DPY19L2: variants seen among roughly 807,000 people sequenced by gnomAD.
DPY19L2 encodes the protein probable C-mannosyltransferase DPY19L2.
DPY19L2 carries 34 observed loss-of-function variants against 97.9 expected under a neutral mutation model. The observed-to-expected ratio is 0.35, with a 90% CI of 0.26 to 0.46. The LOEUF (loss-of-function observed/expected upper bound fraction) is 0.46, where lower values mean the gene tolerates loss of function less well. DPY19L2 is among the 20% of genes least tolerant of loss of function. DPY19L2 has a pLI of 1.00. For missense variants in DPY19L2, 623 were observed against 911.4 expected, an observed-to-expected ratio of 0.68 and a Z score of 4.07; for synonymous variants, 230 against 307.9, an observed-to-expected ratio of 0.75 and a Z score of 2.65.
At chr12:63,614,232 T>C (rs1237741571) in intron 11 of DPY19L2, among the ~76,000 whole-genome samples, 1 of 141,916 alleles carries the variant, frequency 7.0e-6, no homozygotes, top group Admixed American at 7.0e-5. Flanking sequence ...AAAGTAAAAA[T>C]AAAAGAGACA....
intron 3 of DPY19L2, among the ~76,000 whole-genome samples, chr12:63,663,426 A>C (rs1895942275): frequency 6.6e-6 from 1 of 152,308 alleles, no homozygotes; most frequent in Middle Eastern, 3.4e-3. Context: ...AAAACATGGA[A>C]TCTAACTGTA....
At chr12:63,644,654 G>C (rs1353640484) in intron 5 of DPY19L2, among the ~76,000 whole-genome samples, 158 bp from the exon 6 acceptor site, 1 of 152,056 alleles carries the variant, frequency 6.6e-6, no homozygotes, top group East Asian at 1.9e-4. Context: ...CCTTATAAGA[G>C]TTTGTGTGTG....
chr12:63,635,693 G>A (rs146010091), intron 6 of DPY19L2, among the ~76,000 whole-genome samples: 2,066 of 152,218 alleles, frequency 0.014, 45 homozygotes, highest in African/African-American at 0.047. Context: ...ATCAGTGATG[G>A]ACGATCAAAT....
chr12:63,633,769 GT>G (rs1355260479), intron 6 of DPY19L2, among the ~76,000 whole-genome samples: 1 of 152,134 alleles, frequency 6.6e-6, no homozygotes, highest in Non-Finnish European at 1.5e-5. Flanking sequence ...GCACACGTAT[GT>G]TTATTGTGGC....
chr12:63,651,960 CT>C, intron 4 of DPY19L2: 1 of 325,018 alleles, frequency 3.1e-6, no homozygotes, highest in Non-Finnish European at 5.5e-6. Flanking sequence ...TGGGCCTGGC[CT>C]TCAAACCCAC....
At chr12:63,569,426 A>C in intron 20 of DPY19L2, 77 bp from the exon 21 acceptor site, 1 of 1,133,790 alleles carries the variant, frequency 8.8e-7, no homozygotes, top group Non-Finnish European at 1.2e-6. Context: ...TTACTAGCAA[A>C]TTGAAATCTC....
chr12:63,568,160 A>G (rs1001343343), intron 21 of DPY19L2, among the ~76,000 whole-genome samples: 1 of 151,692 alleles, frequency 6.6e-6, no homozygotes, highest in African/African-American at 2.4e-5. Flanking sequence ...GACTTTGGTT[A>G]TTTTTCAATC....
intron 14 of DPY19L2, 149 bp downstream of exon 14, chr12:63,597,660 A>G: frequency 1.5e-6 from 1 of 667,994 alleles, no homozygotes; most frequent in Admixed American, 3.1e-5. Context: ...GACAAAAAAA[A>G]CAAGTGAGGA....
At position 63,661,430 on chromosome 12, in the gene DPY19L2, C is replaced by G. The variant is rs1895661208; in HGVS notation, c.502G>C (p.Glu168Gln). ...TCATTCATAATCATCCACAGTCCTT[C>G]CAAAAACGAAGGTGCTTCAATAATG... The part of the protein sequence containing the change: ...KTIIEAPSFL[E>Q]GLWMIMNDRL... The change falls in exon 4 of 22, where the codon GAA (glutamate) becomes CAA (glutamine). Residue 168 changes from glutamate (E) to glutamine (Q), a missense_variant. Physicochemically the swap from Glu to Gln is conservative, Grantham distance 29. Coordinates refer to ENST00000324472, the MANE Select transcript of DPY19L2 (RefSeq NM_173812.5). The G allele has an allele frequency of 1.2e-6, 2 of 1,600,618 alleles. No homozygotes were observed. The highest frequency in any genetic ancestry group is 2.3e-5 in the South Asian group (2 of 87,748).
chr12:63,624,364 A>G (rs12315907), intron 7 of DPY19L2, among the ~76,000 whole-genome samples: 42,713 of 151,824 alleles, frequency 0.28, 6,596 homozygotes, highest in African/African-American at 0.43. Flanking sequence ...ACCGAGCAAA[A>G]GGAAACCCAA....
At chr12:63,627,186 C>T (rs1443770595) in intron 6 of DPY19L2, among the ~76,000 whole-genome samples, 1 of 152,088 alleles carries the variant, frequency 6.6e-6, no homozygotes, top group Non-Finnish European at 1.5e-5. Flanking sequence ...ATTTAAGGGA[C>T]TGAGAGATGA....
chr12:63,613,122 G>A (rs1459403504), intron 11 of DPY19L2, among the ~76,000 whole-genome samples: 1 of 152,056 alleles, frequency 6.6e-6, no homozygotes, highest in Non-Finnish European at 1.5e-5. Flanking sequence ...CAGAAAACTG[G>A]AGAAGAGGGA....
At chr12:63,634,348 G>A (rs1229005341) in intron 6 of DPY19L2, among the ~76,000 whole-genome samples, 1 of 147,272 alleles carries the variant, frequency 6.8e-6, no homozygotes, top group East Asian at 1.9e-4. Flanking sequence ...TGGCTGAATA[G>A]GAACAGCTCC....
At chr12:63,579,374 C>T (rs1380260638) in intron 19 of DPY19L2, among the ~76,000 whole-genome samples, 1 of 152,136 alleles carries the variant, frequency 6.6e-6, no homozygotes, top group African/African-American at 2.4e-5. Flanking sequence ...TCCACTAATA[C>T]TACAAAACTT....
intron 6 of DPY19L2, among the ~76,000 whole-genome samples, chr12:63,630,086 C>A (rs1239261522): frequency 6.6e-6 from 1 of 152,130 alleles, no homozygotes; most frequent in Non-Finnish European, 1.5e-5. Flanking sequence ...TGGAAAGGAA[C>A]AACTGGTACC....
At chr12:63,561,551 A>C (rs1876515091) in intron 21 of DPY19L2, among the ~76,000 whole-genome samples, 1 of 151,848 alleles carries the variant, frequency 6.6e-6, no homozygotes, top group African/African-American at 2.4e-5. Context: ...TTACCATAGC[A>C]TGTTTTTGAT....
Position 63,626,362 on chromosome 12 carries a change from T to C in DPY19L2, c.861+107A>G. ...TATTACACAAGGGTCTTTAAAATAT[T>C]GTGAAGTCATAAGTAGTATACAATT... is the stretch of plus-strand genomic sequence containing the variant. On this transcript the variant is annotated intron_variant, in intron 7 of 21. Coordinates refer to ENST00000324472, the MANE Select transcript of DPY19L2 (RefSeq NM_173812.5). The C allele has an allele frequency of 3.1e-6, 4 of 1,280,206 alleles. No individual in the cohort carries two copies. The South Asian group carries it at 6.1e-5, about 19-fold the overall frequency. 79.3% of individuals were successfully genotyped at this position (1,280,206 alleles called of 1,614,324 possible).
intron 6 of DPY19L2, among the ~76,000 whole-genome samples, chr12:63,643,509 C>T (rs1188267870): frequency 6.6e-6 from 1 of 151,908 alleles, no homozygotes; most frequent in East Asian, 1.9e-4. Flanking sequence ...GTAAAGAAAC[C>T]TGATGATTCA....
chr12:63,575,019 C>T (rs918529812), intron 19 of DPY19L2, among the ~76,000 whole-genome samples: 2 of 152,020 alleles, frequency 1.3e-5, no homozygotes, highest in African/African-American at 4.8e-5. Context: ...TCCTTCTCCT[C>T]AGCACATGGA....
Sources: gnomAD v4.1 joint callset for allele counts (sites outside exome capture counted in the v4.1 genomes callset) on GRCh38, gnomAD v4.1.1 for gene constraint, MANE v1.5 for transcripts, NCBI Gene and HGNC (gene_info 2026-07-23, HGNC 2026-07-21) for gene names.